The following MYOF variants were observed in gnomAD, a reference collection of about 807,000 sequenced individuals.
MYOF encodes fer-1-like 3, myoferlin.
A neutral mutation model predicts 284.2 loss-of-function variants in MYOF; 244 were observed. The ratio of observed to expected loss-of-function variants is 0.86; its 90% CI spans 0.77 to 0.95. MYOF has a LOEUF of 0.95. MYOF is among the 40% of genes least tolerant of loss of function. MYOF has a pLI of 0.00. For missense variants in MYOF, 2,496 were observed against 2,560.6 expected, an observed-to-expected ratio of 0.97 and a Z score of 0.54; for synonymous variants, 904 against 919.7, an observed-to-expected ratio of 0.98 and a Z score of 0.31.
chr10:93,418,509 A>C lies in MYOF; in HGVS notation c.433+7562T>G, dbSNP rs563291052. ...GTAGACCAGAGCAAAGGTACCATGG[A>C]GGAACCTAAGAAGCAGGGATGCAAA... On this transcript the variant is annotated intron_variant, in intron 5 of 53. Transcript: ENST00000359263. 3.3e-5 allele frequency among the ~76,000 whole-genome samples: 5 copies of C among 152,318 alleles called. No individual in the cohort carries two copies. In the South Asian group the frequency reaches 1.0e-3, roughly 32 times the overall value.
intron 19 of MYOF, among the ~76,000 whole-genome samples, chr10:93,384,054 A>G (rs771271561): frequency 6.6e-5 from 10 of 152,152 alleles, no homozygotes; most frequent in Non-Finnish European, 1.2e-4. Flanking sequence ...CATCAGCACA[A>G]TTCCCAACAG....
intron 42 of MYOF, 107 bp downstream of exon 42, chr10:93,333,651 C>T (rs1843450275): frequency 6.4e-6 from 9 of 1,406,464 alleles, no homozygotes; most frequent in Non-Finnish European, 8.8e-6. Context: ...GAGTATCTTT[C>T]CCCTAGTGAG....
At chr10:93,320,539 C>T (rs968549497) in intron 48 of MYOF, among the ~76,000 whole-genome samples, 6 of 152,060 alleles carry the variant, frequency 3.9e-5, no homozygotes, top group African/African-American at 9.7e-5. Context: ...TTAATGATAC[C>T]GGCAAGGAAG....
At chr10:93,319,554 C>T (rs1475149508) in intron 49 of MYOF, among the ~76,000 whole-genome samples, 1 of 152,068 alleles carries the variant, frequency 6.6e-6, no homozygotes, top group African/African-American at 2.4e-5. Flanking sequence ...CATCAGTCTC[C>T]CCATCACATA....
chr10:93,477,575 G>A (rs186277769), intron 1 of MYOF, among the ~76,000 whole-genome samples: 3 of 151,998 alleles, frequency 2.0e-5, no homozygotes, highest in Admixed American at 6.6e-5. Context: ...ATGGCCGGGC[G>A]CAGTGGCTCA....
chr10:93,402,009 G>C (rs1847318714), intron 11 of MYOF, among the ~76,000 whole-genome samples: 2 of 152,106 alleles, frequency 1.3e-5, no homozygotes, highest in South Asian at 4.1e-4. Context: ...CACATTCATC[G>C]ATTCTCAATT....
rs1232549649 is a variant in MYOF, at chr10:93,431,400, A to C, written c.345+8T>G. ...TCAAAGCCATTCAATAAGAGAGAAAACACTCACCCCAGTATCTTGCCCTTT... is the reference window on the plus strand; with the variant it reads ...TCAAAGCCATTCAATAAGAGAGAAACCACTCACCCCAGTATCTTGCCCTTT... On this transcript the variant is annotated splice_region_variant and intron_variant, in intron 4 of 53. Transcript: ENST00000359263. 6.2e-7 allele frequency: 1 copy of C among 1,611,852 alleles called. No homozygotes were observed. Among genetic ancestry groups the C allele is most frequent in the African/African-American group, 1.3e-5 (1 of 74,850 alleles).
chr10:93,329,257 C>T (rs1843192125), intron 44 of MYOF, among the ~76,000 whole-genome samples: 1 of 152,108 alleles, frequency 6.6e-6, no homozygotes, highest in East Asian at 1.9e-4. Context: ...ACACTGTATA[C>T]CAGGCAGGGG....
intron 50 of MYOF, among the ~76,000 whole-genome samples, chr10:93,316,267 G>A (rs776919613): frequency 5.9e-5 from 9 of 151,960 alleles, no homozygotes; most frequent in Non-Finnish European, 1.2e-4. Context: ...GGAAGGGCCC[G>A]GGCTAAGGGT....
chr10:93,459,060 A>G (rs2056814102), intron 1 of MYOF, among the ~76,000 whole-genome samples: 1 of 152,216 alleles, frequency 6.6e-6, no homozygotes, highest in Admixed American at 6.5e-5. Context: ...CCTAAGCTTC[A>G]GCGTGACGCT....
At chr10:93,343,974 A>C (rs1454338660) in intron 37 of MYOF, 42 bp from the exon 38 acceptor site, 1 of 1,608,340 alleles carries the variant, frequency 6.2e-7, no homozygotes, top group Admixed American at 1.7e-5. Flanking sequence ...ACTTAGAGAA[A>C]TACAGTGGTG....
At chr10:93,319,359 T>C (rs535560251) in intron 49 of MYOF, among the ~76,000 whole-genome samples, 1 of 152,162 alleles carries the variant, frequency 6.6e-6, no homozygotes, top group Admixed American at 6.5e-5. Flanking sequence ...CAATACATCG[T>C]TTTTCTGGTG....
At chr10:93,389,298 G>A in intron 17 of MYOF, 144 bp from the exon 18 acceptor site, 4 of 856,030 alleles carry the variant, frequency 4.7e-6, no homozygotes, top group Non-Finnish European at 4.9e-6. Context: ...AGCACCATGA[G>A]GTTTGCCATA....
chr10:93,325,817 G>C lies in MYOF; in HGVS notation c.5271+9C>G, dbSNP rs139828446. On this transcript the variant is annotated intron_variant, in intron 46 of 53. Coordinates refer to ENST00000359263, the MANE Select transcript of MYOF (RefSeq NM_013451.4). ...GATAATGGTCTTCAAGGGAGGGAAG[G>C]CCCTTTACCTGGGAAATGTTGGGCT... The C allele has an allele frequency of 5.6e-6, 9 of 1,609,186 alleles. No homozygotes were observed. Among genetic ancestry groups the C allele is most frequent in the African/African-American group, 2.7e-5 (2 of 74,618 alleles).
At chr10:93,459,006 C>A (rs975982502) in intron 1 of MYOF, among the ~76,000 whole-genome samples, 1 of 152,234 alleles carries the variant, frequency 6.6e-6, no homozygotes, top group African/African-American at 2.4e-5. Context: ...TAAGCATTAA[C>A]TTTTCCACTT....
At chr10:93,434,105 G>C (rs1283218946) in intron 3 of MYOF, among the ~76,000 whole-genome samples, 1 of 152,054 alleles carries the variant, frequency 6.6e-6, no homozygotes, top group Non-Finnish European at 1.5e-5. Flanking sequence ...CAACTGCGAT[G>C]GACTCTCATC....
At chr10:93,394,695 C>G (rs1182502435) in intron 16 of MYOF, among the ~76,000 whole-genome samples, 1 of 144,442 alleles carries the variant, frequency 6.9e-6, no homozygotes, top group East Asian at 2.2e-4. Context: ...CTCCTGACCT[C>G]GTGATCCACC....
At chr10:93,424,123 G>T (rs1376274572) in intron 5 of MYOF, among the ~76,000 whole-genome samples, 1 of 152,144 alleles carries the variant, frequency 6.6e-6, no homozygotes, top group Non-Finnish European at 1.5e-5. Context: ...AACTGCGAGA[G>T]AATATTTCTG....
At chr10:93,465,646 T>A (rs2056993166) in intron 1 of MYOF, among the ~76,000 whole-genome samples, 1 of 145,910 alleles carries the variant, frequency 6.9e-6, no homozygotes, top group African/African-American at 2.5e-5. Flanking sequence ...TCCCAAGTAG[T>A]TGGGACTGTA....
Sources: gnomAD v4.1 joint callset for allele counts (sites outside exome capture counted in the v4.1 genomes callset) on GRCh38, gnomAD v4.1.1 for gene constraint, MANE v1.5 for transcripts, NCBI Gene and HGNC (gene_info 2026-07-23, HGNC 2026-07-21) for gene names.